Variants in MTSS1 observed in about 807,000 individuals in gnomAD.
MTSS1 encodes MTSS I-BAR domain containing 1, also known as protein MTSS 1.
In MTSS1, 18 loss-of-function variants were observed where a neutral mutation model predicts 79.0. The ratio of observed to expected loss-of-function variants is 0.23; its 90% CI spans 0.16 to 0.34. The LOEUF (loss-of-function observed/expected upper bound fraction) is 0.34. Ranked by LOEUF, MTSS1 falls within the 10% of genes least tolerant of loss-of-function variation. MTSS1 has a pLI of 1.00. For missense variants in MTSS1, 815 were observed against 986.2 expected, an observed-to-expected ratio of 0.83 and a Z score of 2.33; for synonymous variants, 341 against 368.6, an observed-to-expected ratio of 0.93 and a Z score of 0.86.
At chr8:124,611,457 C>T (rs1278016571) in intron 3 of MTSS1, among the ~76,000 whole-genome samples, 1 of 152,154 alleles carries the variant, frequency 6.6e-6, no homozygotes, top group South Asian at 2.1e-4. Context: ...CAGCTGGCAT[C>T]CCCCCATTAC....
chr8:124,584,315 G>A (rs937696566), intron 6 of MTSS1, among the ~76,000 whole-genome samples: 7 of 152,234 alleles, frequency 4.6e-5, no homozygotes, highest in Non-Finnish European at 1.0e-4. Flanking sequence ...CAGTTGTGAA[G>A]CAGCAGATTC....
chr8:124,646,658 T>C (rs1216033226), intron 3 of MTSS1, among the ~76,000 whole-genome samples: 1 of 151,750 alleles, frequency 6.6e-6, no homozygotes, highest in Non-Finnish European at 1.5e-5. Context: ...TGCCCGTGAG[T>C]TTTAAACCAT....
Position 124,551,810 on chromosome 8 carries a change from A to G in MTSS1, c.*1182T>C, listed in dbSNP as rs1216772735. On this transcript the variant is annotated 3_prime_UTR_variant, in exon 14 of 14. Coordinates refer to ENST00000518547, the MANE Select transcript of MTSS1 (RefSeq NM_014751.6). ...TCAGATTCCCAGTGACAATAAACAA[A>G]TCCTCCTCTCTTCAATGTTTACTGT... The G allele has an allele frequency of 6.6e-6, 1 of 152,584 alleles. No homozygotes were observed. The highest frequency in any genetic ancestry group is 1.5e-5 in the Non-Finnish European group (1 of 68,028). 9.5% of individuals were successfully genotyped at this position (152,584 alleles called of 1,614,324 possible).
intron 3 of MTSS1, among the ~76,000 whole-genome samples, chr8:124,638,949 G>A (rs977092508): frequency 6.6e-6 from 1 of 152,218 alleles, no homozygotes; most frequent in Admixed American, 6.5e-5. Context: ...TTCATCAAAA[G>A]GCTGAACTGG....
At chr8:124,561,380 T>C (rs3763541) in intron 10 of MTSS1, among the ~76,000 whole-genome samples, 52,145 of 152,080 alleles carry the variant, frequency 0.34, 10,166 homozygotes, top group Non-Finnish European at 0.45. Context: ...ATTGCACCAC[T>C]GCACTCCAGC....
chr8:124,690,183 A>G (rs1827714338), intron 3 of MTSS1, among the ~76,000 whole-genome samples: 2 of 152,208 alleles, frequency 1.3e-5, no homozygotes, highest in African/African-American at 2.4e-5. Context: ...CCACCATCGC[A>G]TAATTCACCG....
chr8:124,609,661 C>T (rs1377780166), intron 3 of MTSS1, among the ~76,000 whole-genome samples: 1 of 152,162 alleles, frequency 6.6e-6, no homozygotes, highest in East Asian at 1.9e-4. Flanking sequence ...AATGCGCTGT[C>T]CTGGGCTTAC....
At chr8:124,671,999 T>TA (rs1434766467) in intron 3 of MTSS1, among the ~76,000 whole-genome samples, 2 of 152,224 alleles carry the variant, frequency 1.3e-5, no homozygotes, top group Non-Finnish European at 1.5e-5. Flanking sequence ...GCATAGCAAG[T>TA]AATACTCTGT....
At chr8:124,718,783 C>G (rs959042756) in intron 1 of MTSS1, among the ~76,000 whole-genome samples, 4 of 152,166 alleles carry the variant, frequency 2.6e-5, no homozygotes, top group Non-Finnish European at 4.4e-5. Context: ...GCTCCTCCAG[C>G]AAAACAAACA....
chr8:124,624,946 A>G (rs1022373643), intron 3 of MTSS1, among the ~76,000 whole-genome samples: 2 of 152,234 alleles, frequency 1.3e-5, no homozygotes, highest in African/African-American at 2.4e-5. Flanking sequence ...AATGTTCTAC[A>G]TGACATGCCC....
chr8:124,619,775 C>T (rs185531615), intron 3 of MTSS1, among the ~76,000 whole-genome samples: 40 of 152,248 alleles, frequency 2.6e-4, no homozygotes, highest in Admixed American at 1.8e-3. Flanking sequence ...TGTGGCCCAA[C>T]AGCTCCATAA....
At chr8:124,554,557 T>C (rs1228533451) in intron 13 of MTSS1, among the ~76,000 whole-genome samples, 1 of 152,210 alleles carries the variant, frequency 6.6e-6, no homozygotes, top group African/African-American at 2.4e-5. Context: ...ATATTCTAGC[T>C]GTTAGATTTT....
intron 3 of MTSS1, among the ~76,000 whole-genome samples, chr8:124,605,252 G>A (rs541199821): frequency 3.3e-5 from 5 of 152,318 alleles, no homozygotes; most frequent in East Asian, 3.9e-4. Flanking sequence ...TGAGCGACTC[G>A]ATGACGCCAG....
chr8:124,664,694 C>A (rs1196731949), intron 3 of MTSS1, among the ~76,000 whole-genome samples: 1 of 152,214 alleles, frequency 6.6e-6, no homozygotes, highest in Non-Finnish European at 1.5e-5. Flanking sequence ...GCAACGAGAG[C>A]ACTTGACTAG....
At chr8:124,636,395 T>C (rs1817005319) in intron 3 of MTSS1, among the ~76,000 whole-genome samples, 1 of 152,230 alleles carries the variant, frequency 6.6e-6, no homozygotes, top group Admixed American at 6.5e-5. Context: ...CCTCCCAAAG[T>C]GCTGGGATTA....
At chr8:124,725,910 C>T (rs1171066881) in intron 1 of MTSS1, among the ~76,000 whole-genome samples, 1 of 152,126 alleles carries the variant, frequency 6.6e-6, no homozygotes, top group Non-Finnish European at 1.5e-5. Flanking sequence ...GTCTAAAACT[C>T]TGCAGAACCC....
chr8:124,597,063 G>A lies in MTSS1; in HGVS notation c.209-5828C>T, dbSNP rs746162836. ...TTTCTGGGGGTGCGCCGCAGTCCAC[G>A]GCCCACATCCTACCGTGCAGCAAAA... On this transcript the variant is annotated intron_variant, in intron 3 of 13. Coordinates refer to ENST00000518547, the MANE Select transcript of MTSS1 (RefSeq NM_014751.6). This position sits in a 1 kb window ranked among gnomAD's most constrained non-coding sequence, Gnocchi z 4.6. Among the ~76,000 whole-genome samples, 8 of 152,064 alleles carry A rather than the reference G, an allele frequency of 5.3e-5. No individual in the cohort carries two copies. The highest frequency in any genetic ancestry group is 3.3e-4 in the Admixed American group (5 of 15,260).
chr8:124,690,592 A>G (rs1244067250), intron 3 of MTSS1, among the ~76,000 whole-genome samples: 1 of 152,234 alleles, frequency 6.6e-6, no homozygotes, highest in Non-Finnish European at 1.5e-5. Flanking sequence ...ACAATGAACA[A>G]TTCTCTCTGG....
At chr8:124,613,525 C>G (rs932110348) in intron 3 of MTSS1, among the ~76,000 whole-genome samples, 2 of 152,218 alleles carry the variant, frequency 1.3e-5, no homozygotes, top group African/African-American at 4.8e-5. Context: ...ATTTGAGTTT[C>G]CTGTTTCATG....
Sources: gnomAD v4.1 joint callset for allele counts (sites outside exome capture counted in the v4.1 genomes callset) on GRCh38, gnomAD v4.1.1 for gene constraint, Gnocchi (gnomAD v3.1) non-coding constraint, MANE v1.5 for transcripts, NCBI Gene and HGNC (gene_info 2026-07-23, HGNC 2026-07-21) for gene names.